PTPRD: variants seen among roughly 807,000 people sequenced by gnomAD.
PTPRD encodes protein tyrosine phosphatase receptor type D, also known as receptor-type tyrosine-protein phosphatase delta.
Under a neutral mutation model 214.5 loss-of-function variants are expected in PTPRD, and 34 were observed. The ratio of observed to expected loss-of-function variants is 0.16; its 90% CI spans 0.12 to 0.21. PTPRD has a LOEUF of 0.21. PTPRD is among the 10% of genes least tolerant of loss of function. PTPRD has a pLI of 1.00. For synonymous variants in PTPRD, 1,128 were observed against 845.7 expected, an observed-to-expected ratio of 1.33 and a Z score of -5.79; for missense variants, 2,545 against 2,398.7, an observed-to-expected ratio of 1.06 and a Z score of -1.27.
intron 12 of PTPRD, among the ~76,000 whole-genome samples, chr9:8,705,344 C>A (rs371309673): frequency 2.0e-5 from 3 of 152,244 alleles, no homozygotes; most frequent in East Asian, 3.9e-4. Context: ...CTCAGCCTCC[C>A]GAGTAGCTGG....
intron 4 of PTPRD, among the ~76,000 whole-genome samples, chr9:9,942,909 TTA>T (rs2091858709): frequency 6.6e-6 from 1 of 151,792 alleles, no homozygotes; most frequent in African/African-American, 2.4e-5. Context: ...TTTTTTTTTT[TTA>T]AAGCTTTTGT....
intron 9 of PTPRD, among the ~76,000 whole-genome samples, chr9:9,365,837 C>T (rs772901420): frequency 6.6e-6 from 1 of 151,212 alleles, no homozygotes; most frequent in Non-Finnish European, 1.5e-5. Context: ...CTTAGAATAT[C>T]TAAACTCTAG....
chr9:10,286,742 G>A (rs1266651878), intron 3 of PTPRD, among the ~76,000 whole-genome samples: 1 of 151,954 alleles, frequency 6.6e-6, no homozygotes, highest in African/African-American at 2.4e-5. Context: ...GGTATTACAG[G>A]CGCCCAAGAC....
At chr9:9,529,440 A>C (rs75854170) in intron 8 of PTPRD, among the ~76,000 whole-genome samples, 1 of 152,248 alleles carries the variant, frequency 6.6e-6, no homozygotes, top group African/African-American at 2.4e-5. Flanking sequence ...CTCAATGTAA[A>C]CCCAAGAAAC....
At chr9:10,413,685 A>G (rs2154513083) in intron 2 of PTPRD, among the ~76,000 whole-genome samples, 1 of 152,170 alleles carries the variant, frequency 6.6e-6, no homozygotes, top group East Asian at 1.9e-4. Context: ...AGCTGGAGGC[A>G]TCACATTACC....
At chr9:10,372,947 C>G (rs1267204211) in intron 2 of PTPRD, among the ~76,000 whole-genome samples, 4 of 151,060 alleles carry the variant, frequency 2.6e-5, no homozygotes, top group Non-Finnish European at 4.4e-5. Context: ...ATTCTCCTGC[C>G]TCAACCTCCT....
intron 8 of PTPRD, among the ~76,000 whole-genome samples, chr9:9,511,047 T>C (rs2096694039): frequency 6.6e-6 from 1 of 151,754 alleles, no homozygotes; most frequent in Non-Finnish European, 1.5e-5. Context: ...ACAAAGCTCT[T>C]GTACAATAGA....
At chr9:9,894,301 T>C (rs1175491675) in intron 5 of PTPRD, among the ~76,000 whole-genome samples, 1 of 152,154 alleles carries the variant, frequency 6.6e-6, no homozygotes, top group East Asian at 1.9e-4. Context: ...TAGTATCTCC[T>C]CATACTTAAA....
chr9:8,583,278 G>A (rs1369640731), intron 14 of PTPRD, among the ~76,000 whole-genome samples: 3 of 150,524 alleles, frequency 2.0e-5, no homozygotes, highest in Non-Finnish European at 4.4e-5. Context: ...TTCTTAACAG[G>A]CCAGAGACCA....
chr9:9,740,685 A>C (rs1373957128), intron 6 of PTPRD, among the ~76,000 whole-genome samples: 6 of 152,060 alleles, frequency 3.9e-5, no homozygotes, highest in Non-Finnish European at 1.5e-5. Flanking sequence ...TTTTCTTTCT[A>C]AGTAGGTTTT....
At chr9:9,935,613 G>C (rs951735438) in intron 5 of PTPRD, among the ~76,000 whole-genome samples, 1 of 150,622 alleles carries the variant, frequency 6.6e-6, no homozygotes, top group African/African-American at 2.5e-5. Context: ...CATGCTCATG[G>C]GTAGGAACAA....
intron 5 of PTPRD, among the ~76,000 whole-genome samples, chr9:9,797,118 T>C (rs1170988288): frequency 6.6e-6 from 1 of 151,936 alleles, no homozygotes; most frequent in Non-Finnish European, 1.5e-5. Flanking sequence ...AAAAACACAT[T>C]TTAGAAGAGA....
intron 4 of PTPRD, among the ~76,000 whole-genome samples, chr9:9,951,146 C>T (rs2093417983): frequency 6.6e-6 from 1 of 152,036 alleles, no homozygotes. Context: ...GTATATGTAG[C>T]CCTTTAATGT....
chr9:10,456,703 C>T (rs1460731236), intron 2 of PTPRD, among the ~76,000 whole-genome samples: 1 of 151,658 alleles, frequency 6.6e-6, no homozygotes, highest in East Asian at 1.9e-4. Flanking sequence ...GTTTTCTTTT[C>T]TTACTAACCA....
At chr9:9,944,766 C>A (rs961497983) in intron 4 of PTPRD, among the ~76,000 whole-genome samples, 1 of 151,802 alleles carries the variant, frequency 6.6e-6, no homozygotes, top group South Asian at 2.1e-4. Flanking sequence ...AATGAGGAGA[C>A]ACATAATCTA....
At chr9:8,557,699 C>A (rs192882110) in intron 14 of PTPRD, among the ~76,000 whole-genome samples, 1 of 141,932 alleles carries the variant, frequency 7.0e-6, no homozygotes, top group East Asian at 2.1e-4. Context: ...GCCGAGATCA[C>A]GCTACTGCAT....
At chr9:10,427,382 C>G (rs1186596874) in intron 2 of PTPRD, among the ~76,000 whole-genome samples, 1 of 152,038 alleles carries the variant, frequency 6.6e-6, no homozygotes, top group African/African-American at 2.4e-5. Flanking sequence ...CTTTTAGAAA[C>G]TTAATTGCTA....
At chr9:9,726,932 T>TA (rs1484218556) in intron 7 of PTPRD, among the ~76,000 whole-genome samples, 1 of 152,134 alleles carries the variant, frequency 6.6e-6, no homozygotes, top group Non-Finnish European at 1.5e-5. Flanking sequence ...AAGGTTTTGT[T>TA]AAAAAGTATG....
chr9:10,488,781 T>C (rs2099149643), intron 2 of PTPRD, among the ~76,000 whole-genome samples: 1 of 152,036 alleles, frequency 6.6e-6, no homozygotes, highest in Admixed American at 6.5e-5. Context: ...TCATCAATGT[T>C]CCCTTAGGGC....
Sources: allele counts gnomAD v4.1 joint callset (sites outside exome capture counted in the v4.1 genomes callset), GRCh38; gene constraint gnomAD v4.1.1; transcripts MANE v1.5; gene names NCBI Gene and HGNC (gene_info 2026-07-23, HGNC 2026-07-21).